GRIP1: variants seen among roughly 807,000 people sequenced by gnomAD.
GRIP1 encodes glutamate receptor-interacting protein 1.
A neutral mutation model predicts 129.9 loss-of-function variants in GRIP1; 45 were observed. The observed-to-expected ratio is 0.35, with a 90% CI of 0.27 to 0.44. The LOEUF (loss-of-function observed/expected upper bound fraction) is 0.44. Ranked by LOEUF, GRIP1 falls within the 20% of genes least tolerant of loss-of-function variation. GRIP1 has a pLI of 1.00. For missense variants in GRIP1, 1,196 were observed against 1,396.8 expected (o/e 0.86, Z 2.29); for synonymous variants, 530 against 520.8 (o/e 1.02, Z -0.24).
At chr12:66,714,899 CCAT>C (rs2035826025) in intron 1 of GRIP1, among the ~76,000 whole-genome samples, 2 of 149,466 alleles carry the variant, frequency 1.3e-5, no homozygotes, top group African/African-American at 2.5e-5. Flanking sequence ...ATCCATCCAT[CCAT>C]CCATCCATCC....
intron 1 of GRIP1, among the ~76,000 whole-genome samples, chr12:67,011,402 G>A (rs535215956): frequency 6.6e-6 from 1 of 152,264 alleles, no homozygotes; most frequent in East Asian, 1.9e-4. Flanking sequence ...AGTGACCCTA[G>A]GAAAAGAACG....
chr12:66,593,215 A>G (rs1366947532), intron 2 of GRIP1, among the ~76,000 whole-genome samples: 1 of 152,190 alleles, frequency 6.6e-6, no homozygotes, highest in African/African-American at 2.4e-5. Flanking sequence ...ATCGAAAGCA[A>G]ACGCATTTTG....
intron 1 of GRIP1, among the ~76,000 whole-genome samples, chr12:66,793,568 A>G (rs943197086): frequency 1.3e-5 from 2 of 152,316 alleles, no homozygotes; most frequent in African/African-American, 4.8e-5. Context: ...ACCTCATTAC[A>G]AAAATGGTTA....
chr12:66,530,643 A>T (rs2061408302), intron 4 of GRIP1, among the ~76,000 whole-genome samples: 1 of 152,152 alleles, frequency 6.6e-6, no homozygotes, highest in African/African-American at 2.4e-5. Flanking sequence ...TATAAGGTAT[A>T]TGAAGGTACA....
At chr12:66,962,441 C>A (rs984451818) in intron 1 of GRIP1, among the ~76,000 whole-genome samples, 2 of 152,038 alleles carry the variant, frequency 1.3e-5, no homozygotes, top group Non-Finnish European at 2.9e-5. Flanking sequence ...AAGCATGAGG[C>A]CTTTGCAACG....
upstream of GRIP1, among the ~76,000 whole-genome samples, chr12:66,683,024 T>C (rs2034644608): frequency 3.9e-5 from 6 of 152,094 alleles, no homozygotes; most frequent in Admixed American, 3.9e-4. Context: ...CTGACTTGGC[T>C]AGTATTGAAT....
chr12:66,436,392 A>G (rs1442836653), intron 13 of GRIP1, among the ~76,000 whole-genome samples: 1 of 152,172 alleles, frequency 6.6e-6, no homozygotes, highest in Admixed American at 6.5e-5. Context: ...CAGAACAAAG[A>G]TATATATTTT....
At chr12:66,890,832 C>T (rs993200995) in intron 1 of GRIP1, among the ~76,000 whole-genome samples, 3 of 152,110 alleles carry the variant, frequency 2.0e-5, no homozygotes, top group African/African-American at 7.2e-5. Context: ...TGTGCTGTGT[C>T]TAGAAAGAAC....
At chr12:66,410,057 C>T (rs897091917) in intron 15 of GRIP1, among the ~76,000 whole-genome samples, 6 of 148,296 alleles carry the variant, frequency 4.0e-5, no homozygotes, top group African/African-American at 7.4e-5. Flanking sequence ...GAGACCATCC[C>T]GGCTAAAACG....
chr12:66,598,738 G>A (rs1169288483), intron 1 of GRIP1, among the ~76,000 whole-genome samples: 2 of 152,158 alleles, frequency 1.3e-5, no homozygotes, highest in Non-Finnish European at 2.9e-5. Flanking sequence ...CCTTGAAACA[G>A]TGTGTTTATG....
chr12:66,738,880 T>C (rs2036698027), intron 1 of GRIP1, among the ~76,000 whole-genome samples: 1 of 152,228 alleles, frequency 6.6e-6, no homozygotes. Context: ...CTTTTCTACG[T>C]TGCCTCTCCA....
At chr12:66,601,578 G>A (rs548622132) in intron 1 of GRIP1, among the ~76,000 whole-genome samples, 4 of 152,244 alleles carry the variant, frequency 2.6e-5, no homozygotes, top group South Asian at 2.1e-4. Context: ...GAGACTAATC[G>A]TCCTATGCTA....
intron 5 of GRIP1, among the ~76,000 whole-genome samples, chr12:66,525,107 A>G (rs1443530182): frequency 1.3e-5 from 2 of 152,234 alleles, no homozygotes; most frequent in African/African-American, 4.8e-5. Flanking sequence ...AGCTACAAGG[A>G]GGAGCTGGTG....
rs149031685 is a variant in GRIP1 at position 66,379,566 on chromosome 12, T to G, written c.2465-130A>C. On this transcript the variant is annotated intron_variant, in intron 19 of 24. Coordinates refer to ENST00000359742, the MANE Select transcript of GRIP1 (RefSeq NM_001366722.1). ...ATAACAATAGTGAACACATAGTGTGTGCTTATTGTGCACCAAAGACTTCAC... is the reference window on the plus strand; with the variant it reads ...ATAACAATAGTGAACACATAGTGTGGGCTTATTGTGCACCAAAGACTTCAC... 9,053 of 920,542 alleles carry G rather than the reference T, an allele frequency of 9.8e-3. 69 individuals carry two copies. The highest frequency in any genetic ancestry group is 0.013 in the Non-Finnish European group (7,309 of 559,718). 57.0% of individuals were successfully genotyped at this position (920,542 alleles called of 1,614,324 possible).
At chr12:66,745,101 C>T (rs1480020) in intron 1 of GRIP1, among the ~76,000 whole-genome samples, 84,055 of 151,576 alleles carry the variant, frequency 0.55, 23,524 homozygotes, top group East Asian at 0.77. Flanking sequence ...ACAAGCAACA[C>T]GGAGATTTCT....
chr12:66,693,574 A>G (rs2035052599), intron 1 of GRIP1, among the ~76,000 whole-genome samples: 1 of 152,056 alleles, frequency 6.6e-6, no homozygotes, highest in Non-Finnish European at 1.5e-5. Context: ...TCTCAGACAG[A>G]ATTTTTTTAA....
chr12:66,800,740 T>C (rs894749505), intron 1 of GRIP1, among the ~76,000 whole-genome samples: 2 of 152,056 alleles, frequency 1.3e-5, no homozygotes, highest in Non-Finnish European at 2.9e-5. Flanking sequence ...CTTTTCTAGC[T>C]CTTCACTACA....
upstream of GRIP1, among the ~76,000 whole-genome samples, chr12:66,807,075 G>A (rs1406018765): frequency 4.6e-5 from 7 of 152,108 alleles, no homozygotes; most frequent in Non-Finnish European, 7.4e-5. Context: ...AGGAGGGAAA[G>A]CATGAGTATA....
At chr12:66,505,323 C>G (rs755610177) in intron 7 of GRIP1, among the ~76,000 whole-genome samples, 1 of 152,070 alleles carries the variant, frequency 6.6e-6, no homozygotes, top group Non-Finnish European at 1.5e-5. Flanking sequence ...CTAGGAACAG[C>G]GAATGATTCC....
Sources: gnomAD v4.1 joint callset for allele counts (sites outside exome capture counted in the v4.1 genomes callset) on GRCh38, gnomAD v4.1.1 for gene constraint, MANE v1.5 for transcripts, NCBI Gene and HGNC (gene_info 2026-07-23, HGNC 2026-07-21) for gene names.